ANKAR: variants seen among roughly 807,000 people sequenced by gnomAD.
The protein encoded by ANKAR is ankyrin and armadillo repeat containing.
In ANKAR, 136 loss-of-function variants were observed where a neutral mutation model predicts 146.2. The observed-to-expected ratio is 0.93, with a 90% CI of 0.81 to 1.07. The LOEUF (loss-of-function observed/expected upper bound fraction) is 1.07. Among genes scored for constraint, ANKAR ranks in the 50% least tolerant of loss-of-function variants. The pLI is 0.00. For synonymous variants in ANKAR, 500 were observed against 575.8 expected, an observed-to-expected ratio of 0.87 and a Z score of 1.88; for missense variants, 1,567 against 1,679.9, an observed-to-expected ratio of 0.93 and a Z score of 1.18.
chr2:189,730,482 T>A lies in ANKAR; in HGVS notation c.3194-13T>A. ...GGAAAAAAATATTACCTCACTGGCG[T>A]GGACTCTTACAGGTGTAGCCCATAC... On this transcript the variant is annotated splice_polypyrimidine_tract_variant and intron_variant, in intron 15 of 22. Transcript: ENST00000684021. 6.6e-7 allele frequency: 1 copy of A among 1,505,344 alleles called. No individual in the cohort carries two copies. Among genetic ancestry groups the A allele is most frequent in the Non-Finnish European group, 9.1e-7 (1 of 1,100,992 alleles). 93.2% of individuals were successfully genotyped at this position (1,505,344 alleles called of 1,614,324 possible).
intron 2 of ANKAR, among the ~76,000 whole-genome samples, chr2:189,685,107 G>C (rs1417694070): frequency 6.6e-6 from 1 of 152,048 alleles, no homozygotes; most frequent in Admixed American, 6.6e-5. Flanking sequence ...CTGGGCTCAA[G>C]TGATCTTCCT....
chr2:189,756,231 G>A (rs62184265), intron 18 of ANKAR, among the ~76,000 whole-genome samples: 16,439 of 152,208 alleles, frequency 0.11, 1,137 homozygotes, highest in Middle Eastern at 0.17. Flanking sequence ...GGAATCTGGT[G>A]CTCAGAGTTT....
chr2:189,754,580 C>T (rs1322668626), intron 18 of ANKAR: 2 of 469,170 alleles, frequency 4.3e-6, no homozygotes, highest in African/African-American at 2.0e-5. Context: ...GTTTGCTCTT[C>T]TATTGGTTGG....
At chr2:189,736,861 T>G (rs1365136819) in intron 17 of ANKAR, among the ~76,000 whole-genome samples, 2 of 151,836 alleles carry the variant, frequency 1.3e-5, no homozygotes, top group East Asian at 3.9e-4. Flanking sequence ...CACCTTGAGC[T>G]CAGGAGTTCA....
chr2:189,728,259 A>T lies in ANKAR; in HGVS notation c.2878-8A>T, dbSNP rs750427478. 40 of 1,581,160 alleles carry T rather than the reference A, an allele frequency of 2.5e-5. No homozygotes were observed. In the African/African-American group the frequency reaches 3.3e-4, roughly 13 times the overall value. On this transcript the variant is annotated splice_region_variant and splice_polypyrimidine_tract_variant and intron_variant, in intron 13 of 22. Coordinates refer to ENST00000684021, the MANE Select transcript of ANKAR (RefSeq NM_001378068.1). ...TTCACTGAATTAATGAAATATTTTTAAAAATAGGCATTTCAAATAGATGTT... is the reference window on the plus strand; with the variant it reads ...TTCACTGAATTAATGAAATATTTTTTAAAATAGGCATTTCAAATAGATGTT...
chr2:189,725,447 G>A (rs1257788482), intron 12 of ANKAR, among the ~76,000 whole-genome samples: 2 of 152,110 alleles, frequency 1.3e-5, no homozygotes, highest in Non-Finnish European at 2.9e-5. Flanking sequence ...TTCTGGGGCA[G>A]GGGCAGAGAA....
chr2:189,744,689 C>A, intron 21 of ANKAR, 53 bp from the exon 22 acceptor site: 2 of 1,304,704 alleles, frequency 1.5e-6, no homozygotes, highest in South Asian at 1.3e-5. Context: ...TATATTTTTT[C>A]TGGGTGCATT....
rs963997139 is a variant in ANKAR, at chr2:189,676,904, T to C, written c.414T>C (p.Tyr138=). ...QSSSCQLPPA[Y]YDTRIGQILI... ...CTTCTTGTCAATTACCTCCAGCTTATTATGATACCAGAATTGGGCAAATTC... is the reference window on the plus strand; with the variant it reads ...CTTCTTGTCAATTACCTCCAGCTTACTATGATACCAGAATTGGGCAAATTC... Residue 138 remains tyrosine (Y), a synonymous_variant, in exon 2 of 23, where the codon TAT becomes TAC. Transcript: ENST00000684021. The C allele has an allele frequency of 2.5e-6, 4 of 1,614,182 alleles. No homozygotes were observed. In the African/African-American group the frequency reaches 5.3e-5, roughly 22 times the overall value.
intron 3 of ANKAR, 63 bp downstream of exon 3, chr2:189,690,027 C>T (rs1485021036): frequency 4.0e-6 from 5 of 1,248,296 alleles, no homozygotes; most frequent in Non-Finnish European, 5.3e-6. Flanking sequence ...TGTTTAAATG[C>T]AATTTTGTTT....
chr2:189,706,864 C>T (rs2039017523), intron 8 of ANKAR, 74 bp from the exon 9 acceptor site: 9 of 1,118,964 alleles, frequency 8.0e-6, no homozygotes, highest in Non-Finnish European at 1.0e-5. Flanking sequence ...CCTCCAATTG[C>T]AGCTTGAATA....
Position 189,736,505 on chromosome 2 carries a change from TGTG to T in ANKAR, c.3424-1177_3424-1175del, listed in dbSNP as rs1559139189. 1.7e-4 allele frequency among the ~76,000 whole-genome samples: 23 copies of T among 138,424 alleles called. 3 individuals are homozygous for T. The East Asian group carries it at 2.4e-3, about 14-fold the overall frequency. 90.8% of individuals were successfully genotyped at this position (138,424 alleles called of 152,430 possible). A position where few individuals can be genotyped will look rare whatever the true frequency, so the allele number is the denominator to read the frequency against. Reference sequence around the variant, plus strand: ...TGCCTATTTAGGTGACTGGGTTTTGTGTGTGTGTGTGTGTGTGTGTGTGTGTGT... The same window carrying T: ...TGCCTATTTAGGTGACTGGGTTTTGTTGTGTGTGTGTGTGTGTGTGTGTGT... On this transcript the variant is annotated intron_variant, in intron 17 of 22. Transcript: ENST00000684021.
Position 189,696,181 on chromosome 2 carries a change from A to G in ANKAR, c.1520A>G (p.Glu507Gly), listed in dbSNP as rs759429397. 84 of 1,613,932 alleles carry G rather than the reference A, an allele frequency of 5.2e-5. No individual in the cohort carries two copies. Among genetic ancestry groups the G allele is most frequent in the Non-Finnish European group, 6.9e-5 (82 of 1,180,012 alleles). The part of the protein sequence containing the change: ...SIPFGMKSAV[E>G]RGLSAVFHTF... ...CCATTTGGTATGAAGTCCGCTGTTGAAAGAGGGTTGTCTGCAGTTTTCCAC... is the reference window on the plus strand; with the variant it reads ...CCATTTGGTATGAAGTCCGCTGTTGGAAGAGGGTTGTCTGCAGTTTTCCAC... The change falls in exon 7 of 23, where the codon GAA becomes GGA. Residue 507 changes from glutamate to glycine, a missense_variant. Glu to Gly is a moderately conservative substitution (Grantham distance 98, BLOSUM62 -2). Transcript: ENST00000684021.
intron 10 of ANKAR, among the ~76,000 whole-genome samples, chr2:189,718,228 G>A (rs1485002193): frequency 1.3e-5 from 2 of 152,202 alleles, no homozygotes; most frequent in Non-Finnish European, 2.9e-5. Flanking sequence ...CAAGGCAGGA[G>A]GATAGCTTGA....
At chr2:189,682,858 C>G (rs2034948618) in intron 2 of ANKAR, among the ~76,000 whole-genome samples, 2 of 152,152 alleles carry the variant, frequency 1.3e-5, no homozygotes, top group South Asian at 4.1e-4. Context: ...CTGGGACACT[C>G]TGAGGAGTCA....
intron 17 of ANKAR, among the ~76,000 whole-genome samples, chr2:189,735,419 T>C (rs1050486699): frequency 1.3e-5 from 2 of 152,232 alleles, no homozygotes; most frequent in African/African-American, 4.8e-5. Context: ...TACTATATTT[T>C]GCCTCAAACT....
Position 189,760,406 on chromosome 2 carries a change from G to A in ANKAR, c.*585-692G>A, listed in dbSNP as rs1389223540. ...GGCGCCCCCACCTCCCAGACGGGGCGGCTGCTGGGCGGGGGCGCCCCCCAC... is the reference window on the plus strand; with the variant it reads ...GGCGCCCCCACCTCCCAGACGGGGCAGCTGCTGGGCGGGGGCGCCCCCCAC... On this transcript the variant is annotated intron_variant and NMD_transcript_variant, in intron 18 of 18. Transcript: ENST00000441800. 3.9e-5 allele frequency among the ~76,000 whole-genome samples: 6 copies of A among 152,112 alleles called. No individual in the cohort carries two copies. The East Asian group carries it at 5.8e-4, about 15-fold the overall frequency.
intron 2 of ANKAR, among the ~76,000 whole-genome samples, chr2:189,687,887 A>C (rs1291731614): frequency 6.6e-6 from 1 of 152,104 alleles, no homozygotes; most frequent in Admixed American, 6.6e-5. Flanking sequence ...TAGTTTGCAA[A>C]TATTTTCTCC....
At chr2:189,723,583 C>A (rs1559120924) in intron 12 of ANKAR, among the ~76,000 whole-genome samples, 2 of 151,968 alleles carry the variant, frequency 1.3e-5, no homozygotes, top group South Asian at 2.1e-4. Context: ...TTCTCCAGAC[C>A]CTTTGTGATG....
In ANKAR at chr2:189,695,139, T is replaced by A. The variant is rs1372521989; in HGVS notation, c.1466T>A (p.Phe489Tyr). The A allele has an allele frequency of 6.2e-7, 1 of 1,605,590 alleles. No homozygotes were observed. Residue 489 changes from phenylalanine to tyrosine, a missense_variant, in exon 6 of 23, where the codon TTC becomes TAC. Physicochemically the swap from Phe to Tyr is conservative, Grantham distance 22 (BLOSUM62 3). Coordinates refer to ENST00000684021, the MANE Select transcript of ANKAR (RefSeq NM_001378068.1). Reference protein sequence around the residue: ...LHEQFKKKLGFKRAMKCKSIP... With the variant: ...LHEQFKKKLGYKRAMKCKSIP... Reference sequence around the variant, plus strand: ...GAACAATTTAAGAAAAAGCTTGGTTTCAAAAGAGCTATGAAATGCAAGGTA... The same window carrying A: ...GAACAATTTAAGAAAAAGCTTGGTTACAAAAGAGCTATGAAATGCAAGGTA...
Sources: allele counts gnomAD v4.1 joint callset (sites outside exome capture counted in the v4.1 genomes callset), GRCh38; gene constraint gnomAD v4.1.1; transcripts MANE v1.5; gene names NCBI Gene and HGNC (gene_info 2026-07-23, HGNC 2026-07-21).